The following NIBAN3 variants were observed in gnomAD, a reference collection of about 807,000 sequenced individuals.
The protein encoded by NIBAN3 is niban apoptosis regulator 3.
Under a neutral mutation model 76.4 loss-of-function variants are expected in NIBAN3, and 66 were observed. The observed-to-expected ratio is 0.86, with a 90% CI of 0.71 to 1.06. The LOEUF (loss-of-function observed/expected upper bound fraction) is 1.06, where lower values mean the gene tolerates loss of function less well. NIBAN3 is among the 50% of genes least tolerant of loss of function. NIBAN3 has a pLI of 0.00. For missense variants in NIBAN3, 808 were observed against 810.7 expected, an observed-to-expected ratio of 1.00 and a Z score of 0.04; for synonymous variants, 360 against 355.2, an observed-to-expected ratio of 1.01 and a Z score of -0.15.
chr19:17,531,697 G>T (rs1056295576), intron 2 of NIBAN3, among the ~76,000 whole-genome samples: 1 of 152,060 alleles, frequency 6.6e-6, no homozygotes, highest in Admixed American at 6.6e-5. Context: ...CCATGCCTGG[G>T]TAATTTTTGT....
In NIBAN3 at chr19:17,552,841, G is replaced by A. The variant is rs1180289386; in HGVS notation, c.*943G>A. 3 of 152,092 alleles carry A rather than the reference G, an allele frequency of 2.0e-5. No individual in the cohort carries two copies. The highest frequency in any genetic ancestry group is 3.9e-4 in the East Asian group (2 of 5,184). The allele number at this position is 152,092 out of a possible 1,614,324, so 9.4% of individuals were successfully genotyped here. A position where few individuals can be genotyped will look rare whatever the true frequency, so the allele number is the denominator to read the frequency against. ...CCAGCACTTTGGGAGGCTGAGACAG[G>A]TGGATTGCTTGAGCCAAGGAGTTTT... On this transcript the variant is annotated 3_prime_UTR_variant, in exon 15 of 15. Transcript: ENST00000599164.
Position 17,539,737 on chromosome 19 carries a change from G to C in NIBAN3, c.951G>C (p.Gln317His), listed in dbSNP as rs1265098086. The C allele has an allele frequency of 6.5e-7, 1 of 1,540,682 alleles. No homozygotes were observed. The highest frequency in any genetic ancestry group is 8.7e-7 in the Non-Finnish European group (1 of 1,145,032). The change falls in exon 8 of 15, where the codon CAG becomes CAC. Residue 317 changes from glutamine to histidine, a missense_variant. Gln to His is a conservative substitution (Grantham distance 24). Transcript: ENST00000599164. ...IRPDVDQLLR[Q>H]RARVAGRLRT... Reference sequence around the variant, plus strand: ...CGGACGTGGACCAGCTGCTGCGGCAGCGGGCGCGTGTGGCGGGGCGGCTGA... The same window carrying C: ...CGGACGTGGACCAGCTGCTGCGGCACCGGGCGCGTGTGGCGGGGCGGCTGA...
Position 17,551,825 on chromosome 19 carries a change from C to G in NIBAN3, c.1790C>G (p.Pro597Arg). 1 of 780,212 alleles carries G rather than the reference C, an allele frequency of 1.3e-6. No individual in the cohort carries two copies. Among genetic ancestry groups the G allele is most frequent in the Non-Finnish European group, 2.4e-6 (1 of 417,538 alleles). The allele number at this position is 780,212 out of a possible 1,614,324, so 48.3% of individuals were successfully genotyped here. Residue 597 changes from proline (P) to arginine (R), a missense_variant, in exon 15 of 15, where the codon CCC becomes CGC. Coordinates refer to ENST00000599164, the MANE Select transcript of NIBAN3 (RefSeq NM_001321827.2). ...TEAEREGGAC[P>R]RQPDSGAQIQ... Reference sequence around the variant, plus strand: ...GCTGAGCGGGAAGGAGGGGCTTGTCCCAGGCAGCCAGACTCTGGTGCCCAG... The same window carrying G: ...GCTGAGCGGGAAGGAGGGGCTTGTCGCAGGCAGCCAGACTCTGGTGCCCAG...
At chr19:17,528,766 T>A (rs1356559023) in intron 1 of NIBAN3, among the ~76,000 whole-genome samples, 1 of 152,136 alleles carries the variant, frequency 6.6e-6, no homozygotes, top group East Asian at 1.9e-4. Context: ...GTGCCCAAGG[T>A]GACCTCATGG....
intron 1 of NIBAN3, among the ~76,000 whole-genome samples, chr19:17,529,030 GA>G (rs1017559817): frequency 1.7e-4 from 26 of 152,290 alleles, no homozygotes; most frequent in African/African-American, 6.3e-4. Flanking sequence ...GAGCATTTTG[GA>G]CAGGAGAAAC....
rs772538485 is a variant in NIBAN3 at position 17,540,475 on chromosome 19, A to C, written c.1063A>C (p.Thr355Pro). ...LPRVVQTLLR[T>P]VEASLEAVRT... Reference sequence around the variant, plus strand: ...CCGGGTCGTGCAGACCCTGCTGCGCACCGTGGAAGCCTCGCTCGAGGCGGT... The same window carrying C: ...CCGGGTCGTGCAGACCCTGCTGCGCCCCGTGGAAGCCTCGCTCGAGGCGGT... Residue 355 changes from threonine (T) to proline (P), a missense_variant, in exon 9 of 15, where the codon ACC (threonine) becomes CCC (proline). By Grantham distance (38) the Thr-to-Pro change is conservative. Coordinates refer to ENST00000599164, the MANE Select transcript of NIBAN3 (RefSeq NM_001321827.2). 5.0e-6 allele frequency: 8 copies of C among 1,598,834 alleles called. No individual in the cohort carries two copies. Among genetic ancestry groups the C allele is most frequent in the Non-Finnish European group, 6.8e-6 (8 of 1,172,878 alleles).
In NIBAN3 at chr19:17,542,343, C is replaced by T; in HGVS notation, c.1329+49C>T. 1 of 1,529,322 alleles carries T rather than the reference C, an allele frequency of 6.5e-7. No homozygotes were observed. Among genetic ancestry groups the T allele is most frequent in the Non-Finnish European group, 8.8e-7 (1 of 1,134,606 alleles). The allele number at this position is 1,529,322 out of a possible 1,614,324, so 94.7% of individuals were successfully genotyped here. ...TGAGGCCAGGCTGTGAAGACAGCCT[C>T]CACTGACCTCCTGCTAAGTGTGCCC... On this transcript the variant is annotated intron_variant, in intron 10 of 14. Coordinates refer to ENST00000599164, the MANE Select transcript of NIBAN3 (RefSeq NM_001321827.2). The surrounding 1 kb of genome is among the most constrained non-coding windows in gnomAD (Gnocchi z 4.8).
intron 2 of NIBAN3, among the ~76,000 whole-genome samples, chr19:17,531,629 G>T (rs1310561479): frequency 6.6e-6 from 1 of 152,124 alleles, no homozygotes; most frequent in Non-Finnish European, 1.5e-5. Context: ...CACCTCCCAG[G>T]TTCAAGCGAT....
At chr19:17,533,429 AAGAG>A (rs2075767389) in intron 3 of NIBAN3, 154 bp from the exon 4 acceptor site, 4 of 407,198 alleles carry the variant, frequency 9.8e-6, no homozygotes, top group South Asian at 9.4e-5. Flanking sequence ...AAAAAAAAAA[AAGAG>A]AGAGGGAGGA....
intron 4 of NIBAN3, among the ~76,000 whole-genome samples, chr19:17,535,285 T>A (rs1228818182): frequency 6.6e-6 from 1 of 151,942 alleles, no homozygotes; most frequent in Non-Finnish European, 1.5e-5. Flanking sequence ...ACAAACATTT[T>A]AAAAAATAAA....
chr19:17,547,440 T>C (rs1306241017), intron 13 of NIBAN3, among the ~76,000 whole-genome samples: 33 of 113,316 alleles, frequency 2.9e-4, no homozygotes, highest in African/African-American at 2.6e-4. Context: ...CTGCAACCTC[T>C]GCCTCCTGGG....
chr19:17,531,153 C>T (rs1386052202), intron 2 of NIBAN3, among the ~76,000 whole-genome samples: 2 of 151,876 alleles, frequency 1.3e-5, no homozygotes, highest in Admixed American at 6.6e-5. Flanking sequence ...GAAACCCCAT[C>T]TCTACTAAAA....
At chr19:17,524,035 C>T (rs886502733), upstream of NIBAN3, among the ~76,000 whole-genome samples, 1 of 152,028 alleles carries the variant, frequency 6.6e-6, no homozygotes, top group Non-Finnish European at 1.5e-5. Context: ...TCTACAGGCA[C>T]CCACCACCAC....
upstream of NIBAN3, among the ~76,000 whole-genome samples, chr19:17,526,208 G>T (rs2075605770): frequency 6.6e-6 from 1 of 151,968 alleles, no homozygotes; most frequent in Non-Finnish European, 1.5e-5. Context: ...AGCTACTCGG[G>T]AGGCTGAGGC....
intron 4 of NIBAN3, among the ~76,000 whole-genome samples, chr19:17,534,174 T>G (rs1191222603): frequency 6.6e-6 from 1 of 151,446 alleles, no homozygotes; most frequent in African/African-American, 2.4e-5. Flanking sequence ...CACTCCAGCC[T>G]GGGCAATAGA....
intron 1 of NIBAN3, 54 bp from the exon 2 acceptor site, chr19:17,530,701 A>G: frequency 6.5e-7 from 1 of 1,534,450 alleles, no homozygotes; most frequent in South Asian, 1.2e-5. Context: ...CTCCCCAAGC[A>G]GGTCTCCTGG....
chr19:17,543,879 C>T (rs2076001897), intron 12 of NIBAN3: 1 of 295,412 alleles, frequency 3.4e-6, no homozygotes, highest in Non-Finnish European at 6.4e-6. Context: ...GTAATTCCAG[C>T]TACTCAGGAG....
chr19:17,539,295 C>A (rs1412485707), intron 6 of NIBAN3, 30 bp downstream of exon 6: 3 of 1,568,086 alleles, frequency 1.9e-6, no homozygotes, highest in Non-Finnish European at 1.7e-6. Flanking sequence ...GCACCCGGGA[C>A]CCCCAGGACC....
chr19:17,532,639 C>T (rs1262920172), intron 3 of NIBAN3, among the ~76,000 whole-genome samples: 1 of 152,194 alleles, frequency 6.6e-6, no homozygotes. Flanking sequence ...TGGTTTCAAC[C>T]TCTTGGGGCC....
Sources: allele counts gnomAD v4.1 joint callset (sites outside exome capture counted in the v4.1 genomes callset), GRCh38; gene constraint gnomAD v4.1.1; non-coding constraint Gnocchi (gnomAD v3.1); transcripts MANE v1.5; gene names NCBI Gene and HGNC (gene_info 2026-07-23, HGNC 2026-07-21).